The following COLEC10 variants were observed in gnomAD, a reference collection of about 807,000 sequenced individuals.
COLEC10 encodes collectin subfamily member 10, also known as collectin-10.
Under a neutral mutation model 28.4 loss-of-function variants are expected in COLEC10, and 22 were observed. That is an observed-to-expected ratio of 0.78 (90% CI 0.55 to 1.11). The LOEUF is 1.11. COLEC10 is among the 50% of genes least tolerant of loss of function. COLEC10 has a pLI of 0.00. For synonymous variants in COLEC10, 125 were observed against 116.1 expected (o/e 1.08, Z -0.49); for missense variants, 361 against 344.1 (o/e 1.05, Z -0.39).
In COLEC10 at chr8:119,089,735, A is replaced by G; in HGVS notation, c.204A>G (p.Gly68=). The G allele has an allele frequency of 6.2e-7, 1 of 1,613,596 alleles. No individual in the cohort carries two copies. The highest frequency in any genetic ancestry group is 8.5e-7 in the Non-Finnish European group (1 of 1,179,604). ...PGEEGKHGKV[G]RMGPKGIKGE... ...AAGAGGGAAAGCATGGCAAAGTGGG[A>G]CGCATGGGGCCGAAAGGTAACTAAA... The change falls in exon 2 of 6, where the codon GGA becomes GGG. Residue 68 remains glycine, a synonymous_variant. Coordinates refer to ENST00000332843, the MANE Select transcript of COLEC10 (RefSeq NM_006438.5).
chr8:119,065,581 G>T (rs558141456), upstream of COLEC10, among the ~76,000 whole-genome samples: 47 of 152,190 alleles, frequency 3.1e-4, no homozygotes, highest in East Asian at 9.1e-3. Flanking sequence ...TTGAGGCCAG[G>T]CATGGTGGCT....
chr8:118,955,328 TA>T, the COLEC10 span, among the ~76,000 whole-genome samples: 1 of 152,156 alleles, frequency 6.6e-6, no homozygotes, highest in Non-Finnish European at 1.5e-5. Context: ...TACAGAAAGG[TA>T]AAGGTAAAGT....
At chr8:119,101,202 C>T (rs1413354994) in intron 3 of COLEC10, among the ~76,000 whole-genome samples, 3 of 152,132 alleles carry the variant, frequency 2.0e-5, no homozygotes, top group African/African-American at 4.8e-5. Flanking sequence ...AATTCTCTGA[C>T]CACACCACAT....
chr8:119,085,414 G>T (rs890048163), intron 1 of COLEC10, among the ~76,000 whole-genome samples: 1 of 152,014 alleles, frequency 6.6e-6, no homozygotes, highest in African/African-American at 2.4e-5. Context: ...AGAGGTATGG[G>T]GCATAATTGA....
the COLEC10 span, chr8:118,982,833 A>C: frequency 3.9e-5 from 6 of 152,236 alleles, no homozygotes; most frequent in Admixed American, 2.6e-4. Context: ...GATTCTGTAC[A>C]TCTATGTTCC....
the COLEC10 span, among the ~76,000 whole-genome samples, chr8:118,959,522 T>C: frequency 6.6e-6 from 1 of 152,202 alleles, no homozygotes; most frequent in Non-Finnish European, 1.5e-5. Context: ...CTTAGAGCAA[T>C]GCCTGGCAAG....
intron 1 of COLEC10, among the ~76,000 whole-genome samples, chr8:119,000,597 G>T (rs1370634116): frequency 6.6e-6 from 1 of 152,090 alleles, no homozygotes; most frequent in Non-Finnish European, 1.5e-5. Flanking sequence ...AGCAGGAAAA[G>T]AAGCACAATA....
intron 1 of COLEC10, among the ~76,000 whole-genome samples, chr8:119,069,221 T>C (rs1252898604): frequency 2.6e-5 from 4 of 152,048 alleles, no homozygotes; most frequent in African/African-American, 9.7e-5. Context: ...AACATGAGTA[T>C]ATTCATCACT....
the COLEC10 span, among the ~76,000 whole-genome samples, chr8:118,977,590 T>A: frequency 3.5e-5 from 4 of 115,110 alleles, no homozygotes; most frequent in Non-Finnish European, 6.8e-5. Context: ...TCACACTCTG[T>A]GGACTGTTGT....
chr8:118,978,704 C>A, the COLEC10 span, among the ~76,000 whole-genome samples: 1 of 151,946 alleles, frequency 6.6e-6, no homozygotes, highest in South Asian at 2.1e-4. Flanking sequence ...ATTGCTGAGG[C>A]AAAAGGTATG....
chr8:118,981,796 C>G, the COLEC10 span, among the ~76,000 whole-genome samples: 1 of 152,064 alleles, frequency 6.6e-6, no homozygotes, highest in Non-Finnish European at 1.5e-5. Context: ...ATTTTAGGCC[C>G]AGGTGATGGG....
intron 2 of COLEC10, among the ~76,000 whole-genome samples, chr8:119,058,690 A>G (rs1294107658): frequency 6.6e-6 from 1 of 152,018 alleles, no homozygotes; most frequent in Non-Finnish European, 1.5e-5. Context: ...TATTTTTTCA[A>G]TTTCTGGCAA....
At chr8:118,988,874 C>T in the COLEC10 span, among the ~76,000 whole-genome samples, 1 of 152,182 alleles carries the variant, frequency 6.6e-6, no homozygotes, top group Non-Finnish European at 1.5e-5. Context: ...TAAATCCTCA[C>T]ACTACAGGCC....
the COLEC10 span, among the ~76,000 whole-genome samples, chr8:118,957,394 G>A: frequency 6.6e-6 from 1 of 152,198 alleles, no homozygotes; most frequent in African/African-American, 2.4e-5. Context: ...AGCTGTTTAG[G>A]GAAGGGCTTT....
chr8:118,967,347 G>C, the COLEC10 span, among the ~76,000 whole-genome samples: 36 of 152,134 alleles, frequency 2.4e-4, no homozygotes, highest in Admixed American at 2.4e-3. Flanking sequence ...TGCATAGGCA[G>C]CTCTTGCCTC....
the COLEC10 span, among the ~76,000 whole-genome samples, chr8:118,986,549 A>G: frequency 6.6e-6 from 1 of 152,212 alleles, no homozygotes; most frequent in African/African-American, 2.4e-5. Flanking sequence ...GAAAATAAAT[A>G]GATTATAAAA....
chr8:119,035,011 T>C (rs999324323), intron 2 of COLEC10, among the ~76,000 whole-genome samples: 2 of 152,224 alleles, frequency 1.3e-5, no homozygotes, highest in East Asian at 1.9e-4. Context: ...GCAATACTAA[T>C]AGGGTAATAT....
chr8:119,064,878 T>A (rs1814924038), upstream of COLEC10, among the ~76,000 whole-genome samples: 1 of 152,136 alleles, frequency 6.6e-6, no homozygotes. Context: ...CTACTTTGTT[T>A]GCAAAATGAA....
At chr8:118,978,700 G>A in the COLEC10 span, among the ~76,000 whole-genome samples, 1 of 151,754 alleles carries the variant, frequency 6.6e-6, no homozygotes, top group African/African-American at 2.4e-5. Context: ...TCTGATTGCT[G>A]AGGCAAAAGG....
Sources: gnomAD v4.1 joint callset for allele counts (sites outside exome capture counted in the v4.1 genomes callset) on GRCh38, gnomAD v4.1.1 for gene constraint, MANE v1.5 for transcripts, NCBI Gene and HGNC (gene_info 2026-07-23, HGNC 2026-07-21) for gene names.